Variants in GRIA4 observed in about 807,000 individuals in gnomAD.
GRIA4 encodes the protein glutamate receptor 4.
In GRIA4, 34 loss-of-function variants were observed where a neutral mutation model predicts 104.0. That is an observed-to-expected ratio of 0.33 (90% confidence interval 0.25 to 0.44). The LOEUF (loss-of-function observed/expected upper bound fraction) is 0.44. Ranked by LOEUF, GRIA4 falls within the 20% of genes least tolerant of loss-of-function variation. The pLI, the probability that GRIA4 is intolerant of heterozygous loss-of-function variation, is 1.00. For missense variants in GRIA4, 750 were observed against 1,096.5 expected (o/e 0.68, Z 4.46); for synonymous variants, 386 against 381.9 (o/e 1.01, Z -0.13).
intron 3 of GRIA4, among the ~76,000 whole-genome samples, chr11:105,728,545 A>G (rs2135597713): frequency 6.6e-6 from 1 of 152,314 alleles, no homozygotes; most frequent in South Asian, 2.1e-4. Context: ...AAGCAATAGA[A>G]TATACATTCT....
chr11:105,789,071 G>A (rs974696320), intron 4 of GRIA4, among the ~76,000 whole-genome samples: 1 of 151,948 alleles, frequency 6.6e-6, no homozygotes, highest in African/African-American at 2.4e-5. Flanking sequence ...TAATTTAATG[G>A]AATCTACCCT....
At chr11:105,785,180 G>A (rs1319376997) in intron 4 of GRIA4, among the ~76,000 whole-genome samples, 1 of 152,146 alleles carries the variant, frequency 6.6e-6, no homozygotes, top group Admixed American at 6.5e-5. Flanking sequence ...CAGATAATCA[G>A]AGACATAAAC....
chr11:105,653,999 C>CAAAAAAAAAAAAAAAAAAAA lies in GRIA4; in HGVS notation c.247+41574_247+41593dup. On this transcript the variant is annotated intron_variant, in intron 3 of 16. Coordinates refer to ENST00000282499, the MANE Select transcript of GRIA4 (RefSeq NM_000829.4). ...TATATGCAACGGAACACTATTTAGC[C>CAAAAAAAAAAAAAAAAAAAA]AAAAAAAAAAAAAAAAAAAAAAAAA... Among the ~76,000 whole-genome samples, 70 of 50,290 alleles carry CAAAAAAAAAAAAAAAAAAAA rather than the reference C, an allele frequency of 1.4e-3. 3 individuals are homozygous for CAAAAAAAAAAAAAAAAAAAA. The highest frequency in any genetic ancestry group is 1.7e-3 in the African/African-American group (22 of 12,732). The allele number at this position is 50,290 out of a possible 152,430, so 33.0% of individuals were successfully genotyped here.
chr11:105,937,384 T>G (rs1011206341), intron 14 of GRIA4, among the ~76,000 whole-genome samples: 1 of 152,146 alleles, frequency 6.6e-6, no homozygotes, highest in Non-Finnish European at 1.5e-5. Flanking sequence ...TGCTACAGTA[T>G]CCATACTACA....
At chr11:105,807,680 A>T (rs1450774156) in intron 4 of GRIA4, among the ~76,000 whole-genome samples, 1 of 151,740 alleles carries the variant, frequency 6.6e-6, no homozygotes, top group Non-Finnish European at 1.5e-5. Context: ...ATACATATCC[A>T]ATTATTTTTT....
intron 3 of GRIA4, among the ~76,000 whole-genome samples, chr11:105,676,697 G>T (rs1016051779): frequency 6.6e-6 from 1 of 151,690 alleles, no homozygotes; most frequent in African/African-American, 2.4e-5. Flanking sequence ...TGTAATATTT[G>T]TATAATTTAA....
intron 15 of GRIA4, among the ~76,000 whole-genome samples, chr11:105,973,442 T>A (rs189947590): frequency 3.7e-4 from 57 of 152,178 alleles, no homozygotes; most frequent in Non-Finnish European, 6.6e-4. Flanking sequence ...TTATTCTGGA[T>A]TTATTACGAG....
At chr11:105,887,909 G>A (rs61902575) in intron 6 of GRIA4, among the ~76,000 whole-genome samples, 10,983 of 152,190 alleles carry the variant, frequency 0.072, 423 homozygotes, top group African/African-American at 0.096. Context: ...TTATAAGAAT[G>A]ATCTAAACTA....
At chr11:105,805,354 C>T (rs968836019) in intron 4 of GRIA4, among the ~76,000 whole-genome samples, 36 of 151,466 alleles carry the variant, frequency 2.4e-4, no homozygotes, top group African/African-American at 8.7e-4. Flanking sequence ...GCAACTCACT[C>T]ACCCATAACT....
intron 5 of GRIA4, among the ~76,000 whole-genome samples, chr11:105,880,504 G>C (rs377090068): frequency 6.6e-6 from 1 of 152,052 alleles, no homozygotes; most frequent in South Asian, 2.1e-4. Flanking sequence ...TCTCTTGTAG[G>C]GCACTCAGTT....
At chr11:105,806,046 T>C (rs1489919141) in intron 4 of GRIA4, among the ~76,000 whole-genome samples, 3 of 151,930 alleles carry the variant, frequency 2.0e-5, no homozygotes, top group Non-Finnish European at 4.4e-5. Context: ...AAAAGTAATT[T>C]GTATTTTTTT....
chr11:105,915,230 A>G (rs1429572744), intron 10 of GRIA4, among the ~76,000 whole-genome samples: 1 of 152,172 alleles, frequency 6.6e-6, no homozygotes, highest in Non-Finnish European at 1.5e-5. Flanking sequence ...TGCTGTCTGC[A>G]TCACTCATCT....
intron 3 of GRIA4, among the ~76,000 whole-genome samples, chr11:105,615,862 A>C (rs1950586459): frequency 6.6e-6 from 1 of 151,812 alleles, no homozygotes; most frequent in African/African-American, 2.4e-5. Context: ...AGTAATAACA[A>C]AAATACTAAA....
chr11:105,923,411 A>C (rs931468557), intron 11 of GRIA4, among the ~76,000 whole-genome samples: 1 of 152,102 alleles, frequency 6.6e-6, no homozygotes, highest in African/African-American at 2.4e-5. Context: ...ATGATATGTG[A>C]ATCTCCCTTC....
chr11:105,763,991 T>C (rs888250894), intron 4 of GRIA4, among the ~76,000 whole-genome samples: 3 of 152,202 alleles, frequency 2.0e-5, no homozygotes, highest in African/African-American at 4.8e-5. Context: ...CTCTTCTATT[T>C]GTAAGAATCT....
intron 10 of GRIA4, among the ~76,000 whole-genome samples, chr11:105,913,960 A>T (rs1947328541): frequency 6.6e-6 from 1 of 151,942 alleles, no homozygotes; most frequent in African/African-American, 2.4e-5. Flanking sequence ...TTTTTATAAG[A>T]TGTTTGATAT....
At chr11:105,881,302 C>T (rs1301272071) in intron 5 of GRIA4, among the ~76,000 whole-genome samples, 1 of 152,100 alleles carries the variant, frequency 6.6e-6, no homozygotes, top group South Asian at 2.1e-4. Context: ...CTTCCTTCTC[C>T]AAGGGCAATA....
chr11:105,656,939 T>C (rs1032679600), intron 3 of GRIA4, among the ~76,000 whole-genome samples: 3 of 151,926 alleles, frequency 2.0e-5, no homozygotes, highest in Admixed American at 6.6e-5. Flanking sequence ...GAAAATAACA[T>C]ACATTAAAGG....
chr11:105,724,892 AT>A (rs534681336), intron 3 of GRIA4, among the ~76,000 whole-genome samples: 121 of 152,284 alleles, frequency 7.9e-4, no homozygotes, highest in African/African-American at 2.3e-3. Context: ...GGAAAAAAAC[AT>A]TGTTTGATTA....
Sources: allele counts gnomAD v4.1 joint callset (sites outside exome capture counted in the v4.1 genomes callset), GRCh38; gene constraint gnomAD v4.1.1; transcripts MANE v1.5; gene names NCBI Gene and HGNC (gene_info 2026-07-23, HGNC 2026-07-21).